TNFSF11: variants seen among roughly 807,000 people sequenced by gnomAD.
The protein encoded by TNFSF11 is tumor necrosis factor ligand superfamily member 11.
TNFSF11 carries 12 observed loss-of-function variants against 32.2 expected under a neutral mutation model. The observed-to-expected ratio is 0.37, with a 90% CI of 0.24 to 0.60. The LOEUF (loss-of-function observed/expected upper bound fraction) is 0.60, where lower values mean the gene tolerates loss of function less well. Ranked by LOEUF, TNFSF11 falls within the 20% of genes least tolerant of loss-of-function variation. The probability of loss-of-function intolerance (pLI) is 0.66; values close to 1 mark genes in which losing one functional copy is unlikely to be tolerated. For missense variants in TNFSF11, 345 were observed against 398.0 expected (o/e 0.87, Z 1.13); for synonymous variants, 172 against 152.1 (o/e 1.13, Z -0.96).
intron 2 of TNFSF11, among the ~76,000 whole-genome samples, chr13:42,590,249 GT>G (rs1874101951): frequency 6.6e-6 from 1 of 152,246 alleles, no homozygotes; most frequent in African/African-American, 2.4e-5. Context: ...CAGGTGGCGA[GT>G]TGTTTAATAT....
At chr13:42,597,875 G>A (rs555552887) in intron 2 of TNFSF11, among the ~76,000 whole-genome samples, 17 of 152,016 alleles carry the variant, frequency 1.1e-4, no homozygotes, top group African/African-American at 4.1e-4. Flanking sequence ...TTTTAGACGG[G>A]GTCTTGCTCT....
intron 1 of TNFSF11, among the ~76,000 whole-genome samples, chr13:42,563,715 C>T (rs1047436653): frequency 1.3e-5 from 2 of 151,022 alleles, no homozygotes; most frequent in Admixed American, 1.3e-4. Context: ...CTGAGATTTC[C>T]AGCCTGAGGG....
rs557547078 is a variant in TNFSF11 at position 42,580,717 on chromosome 13, T to A, written c.220-409T>A. On this transcript the variant is annotated intron_variant, in intron 1 of 4. Coordinates refer to ENST00000398795, the MANE Select transcript of TNFSF11 (RefSeq NM_003701.4). The stretch of plus-strand genomic sequence containing the variant: ...GCTCTGAATTTCAAAGTGGGCCTCA[T>A]AATCCCATCTAGCATGTTGCATATA... Among the ~76,000 whole-genome samples the A allele has an allele frequency of 1.4e-4, 22 of 152,300 alleles. 1 individual carries two copies. The South Asian group carries it at 4.1e-3, about 29-fold the overall frequency.
chr13:42,599,321 C>CTATT (rs1868999833), intron 2 of TNFSF11, among the ~76,000 whole-genome samples: 1 of 140,348 alleles, frequency 7.1e-6, no homozygotes, highest in Admixed American at 7.3e-5. Flanking sequence ...ATCTATCTAT[C>CTATT]TATCTATCTA....
chr13:42,597,546 C>T (rs1005581949), intron 2 of TNFSF11, among the ~76,000 whole-genome samples: 2 of 152,120 alleles, frequency 1.3e-5, no homozygotes, highest in African/African-American at 4.8e-5. Context: ...CTTGAGTCTG[C>T]TGCTTCTTTG....
intron 2 of TNFSF11, among the ~76,000 whole-genome samples, chr13:42,591,949 A>G (rs1868503762): frequency 6.6e-6 from 1 of 152,170 alleles, no homozygotes; most frequent in African/African-American, 2.4e-5. Flanking sequence ...GAGTAATTTC[A>G]TGAGGCTGGA....
intron 2 of TNFSF11, among the ~76,000 whole-genome samples, chr13:42,596,260 A>G (rs1040788456): frequency 6.6e-6 from 1 of 152,102 alleles, no homozygotes; most frequent in Non-Finnish European, 1.5e-5. Flanking sequence ...CCAAGCCATA[A>G]ACATGGGTTG....
chr13:42,581,214 C>G lies in TNFSF11; in HGVS notation c.308C>G (p.Thr103Ser), dbSNP rs369479969. The G allele has an allele frequency of 1.2e-6, 2 of 1,614,076 alleles. No homozygotes were observed. Among genetic ancestry groups the G allele is most frequent in the South Asian group, 2.2e-5 (2 of 91,076 alleles). Residue 103 changes from threonine (T) to serine (S), a missense_variant, in exon 2 of 5, where the codon ACT (threonine) becomes AGT (serine). Coordinates refer to ENST00000398795, the MANE Select transcript of TNFSF11 (RefSeq NM_003701.4). ...GAAAATGCAGATTTTCAAGACACAA[C>G]TCTGGAGAGTCAAGATACAAAATTA... ...LHENADFQDT[T>S]LESQDTKLIP...
intron 2 of TNFSF11, among the ~76,000 whole-genome samples, chr13:42,585,733 A>T (rs1035371933): frequency 2.0e-5 from 3 of 151,928 alleles, no homozygotes; most frequent in Non-Finnish European, 4.4e-5. Flanking sequence ...CAGCCCATAG[A>T]CCCCCTGGCC....
chr13:42,607,112 T>A lies in TNFSF11; in HGVS notation c.*194T>A. 1.5e-6 allele frequency: 1 copy of A among 653,896 alleles called. No homozygotes were observed. The highest frequency in any genetic ancestry group is 2.0e-5 in the South Asian group (1 of 49,516). 40.5% of individuals were successfully genotyped at this position (653,896 alleles called of 1,614,324 possible). ...CCAGTGGGAGATGTTAGACTCATGGTGTGTTACACAATGGTTTTTAAATTT... is the reference window on the plus strand; with the variant it reads ...CCAGTGGGAGATGTTAGACTCATGGAGTGTTACACAATGGTTTTTAAATTT... On this transcript the variant is annotated 3_prime_UTR_variant, in exon 5 of 5. Transcript: ENST00000398795.
intron 4 of TNFSF11, among the ~76,000 whole-genome samples, chr13:42,602,271 T>C (rs1330460680): frequency 1.3e-5 from 2 of 152,178 alleles, no homozygotes; most frequent in African/African-American, 4.8e-5. Flanking sequence ...GAAGATGAAA[T>C]GAGGTAGACT....
chr13:42,581,683 G>T (rs1222434006), intron 2 of TNFSF11, among the ~76,000 whole-genome samples: 1 of 152,080 alleles, frequency 6.6e-6, no homozygotes, highest in African/African-American at 2.4e-5. Context: ...TTTCTGTTTG[G>T]CTTCGTAATG....
chr13:42,583,439 G>GAAAAAAAAA (rs1332389888), intron 2 of TNFSF11, among the ~76,000 whole-genome samples: 1,456 of 77,256 alleles, frequency 0.019, no homozygotes, highest in Non-Finnish European at 0.027. Flanking sequence ...AAAAAAAAAA[G>GAAAAAAAAA]AAAGGAAGAA....
At chr13:42,600,852 G>A (rs771174824) in intron 3 of TNFSF11, 31 bp from the exon 4 acceptor site, 8 of 1,613,972 alleles carry the variant, frequency 5.0e-6, no homozygotes, top group Admixed American at 1.7e-5. Flanking sequence ...TACTATTTTG[G>A]CTATAATAAT....
chr13:42,574,814 A>T (rs1038016232), intron 1 of TNFSF11, among the ~76,000 whole-genome samples: 2 of 152,208 alleles, frequency 1.3e-5, no homozygotes, highest in Non-Finnish European at 2.9e-5. Flanking sequence ...CTTCGCTGGG[A>T]AACAACACTG....
intron 1 of TNFSF11, 31 bp from the exon 2 acceptor site, chr13:42,581,095 C>T (rs201476023): frequency 1.2e-6 from 2 of 1,612,998 alleles, no homozygotes; most frequent in African/African-American, 2.7e-5. Flanking sequence ...GTGATAAGCA[C>T]TCTAACGTCC....
At chr13:42,562,974 T>A (rs1234432584) in intron 1 of TNFSF11, 1 of 152,208 alleles carries the variant, frequency 6.6e-6, no homozygotes, top group African/African-American at 2.4e-5. Flanking sequence ...GTACTATTAG[T>A]TGCAGAAATT....
intron 4 of TNFSF11, among the ~76,000 whole-genome samples, chr13:42,604,774 T>A (rs771588512): frequency 6.6e-6 from 1 of 152,068 alleles, no homozygotes; most frequent in Non-Finnish European, 1.5e-5. Context: ...GTTTCCTTTT[T>A]TTTGTTTGTT....
At chr13:42,586,194 A>G (rs953482703) in intron 2 of TNFSF11, among the ~76,000 whole-genome samples, 1 of 152,200 alleles carries the variant, frequency 6.6e-6, no homozygotes, top group African/African-American at 2.4e-5. Flanking sequence ...ATTTTTGAAG[A>G]TCATGGAGTG....
Sources: gnomAD v4.1 joint callset for allele counts (sites outside exome capture counted in the v4.1 genomes callset) on GRCh38, gnomAD v4.1.1 for gene constraint, MANE v1.5 for transcripts, NCBI Gene and HGNC (gene_info 2026-07-23, HGNC 2026-07-21) for gene names.